Variants in HK2 observed in about 807,000 individuals in gnomAD.
The protein encoded by HK2 is hexokinase 2.
In HK2, 42 loss-of-function variants were observed where a neutral mutation model predicts 92.9. The observed-to-expected ratio is 0.45, with a 90% CI of 0.35 to 0.58. The LOEUF (loss-of-function observed/expected upper bound fraction) is 0.58, where lower values mean the gene tolerates loss of function less well. Ranked by LOEUF, HK2 falls within the 20% of genes least tolerant of loss-of-function variation. The pLI, the probability that HK2 is intolerant of heterozygous loss-of-function variation, is 0.00. For missense variants in HK2, 978 were observed against 1,245.1 expected, an observed-to-expected ratio of 0.79 and a Z score of 3.23; for synonymous variants, 422 against 468.0, an observed-to-expected ratio of 0.90 and a Z score of 1.27.
rs189675952 is a variant in HK2 at position 74,893,090 on chromosome 2, T to G, written c.*2149T>G. On this transcript the variant is annotated 3_prime_UTR_variant, in exon 18 of 18. Coordinates refer to ENST00000290573, the MANE Select transcript of HK2 (RefSeq NM_000189.5). ...GTGTGTGTAGGTATTAAAGATGTGT[T>G]GTTGGTTTCCAAAAAGGAACACTGG... 1 of 152,036 alleles carries G rather than the reference T, an allele frequency of 6.6e-6. No individual in the cohort carries two copies. The highest frequency in any genetic ancestry group is 1.9e-4 in the East Asian group (1 of 5,176). 9.4% of individuals were successfully genotyped at this position (152,036 alleles called of 1,614,324 possible).
rs778905029 is a variant in HK2 at position 74,882,248 on chromosome 2, A to G, written c.1839+9A>G. The stretch of plus-strand genomic sequence containing the variant: ...AGAACAGCCTGGACGAGGTAACAGC[A>G]CCTTCCTGGAGGGCTCTCCTGTGGG... On this transcript the variant is annotated intron_variant, in intron 12 of 17. Coordinates refer to ENST00000290573, the MANE Select transcript of HK2 (RefSeq NM_000189.5). 1 of 1,613,818 alleles carries G rather than the reference A, an allele frequency of 6.2e-7. No individual in the cohort carries two copies. Among genetic ancestry groups the G allele is most frequent in the Non-Finnish European group, 8.5e-7 (1 of 1,179,856 alleles).
chr2:74,865,765 G>A (rs1173407221), intron 2 of HK2, among the ~76,000 whole-genome samples: 1 of 152,054 alleles, frequency 6.6e-6, no homozygotes, highest in African/African-American at 2.4e-5. Flanking sequence ...ACTTTTCTTG[G>A]ACAGGTTTCT....
At chr2:74,877,728 A>G (rs964243190) in intron 8 of HK2, among the ~76,000 whole-genome samples, 4 of 152,358 alleles carry the variant, frequency 2.6e-5, no homozygotes, top group Middle Eastern at 3.4e-3. Flanking sequence ...GCTTCATAAT[A>G]GAAAGCTAGG....
chr2:74,881,188 C>T (rs1433618263), intron 10 of HK2, among the ~76,000 whole-genome samples: 1 of 152,226 alleles, frequency 6.6e-6, no homozygotes, highest in Non-Finnish European at 1.5e-5. Context: ...AAAACGTTTG[C>T]TGTCTGGGCC....
chr2:74,886,209 A>C, intron 13 of HK2, 85 bp from the exon 14 acceptor site: 1 of 936,660 alleles, frequency 1.1e-6, no homozygotes, highest in South Asian at 1.3e-5. Context: ...TATATTTTAT[A>C]TACCTGTAAA....
chr2:74,862,511 A>G (rs1688853608), intron 2 of HK2, among the ~76,000 whole-genome samples: 1 of 152,218 alleles, frequency 6.6e-6, no homozygotes, highest in African/African-American at 2.4e-5. Flanking sequence ...CGGGCCATAT[A>G]ATGCAAGCAC....
At chr2:74,890,312 T>C (rs1689644026) in intron 17 of HK2, among the ~76,000 whole-genome samples, 1 of 152,242 alleles carries the variant, frequency 6.6e-6, no homozygotes. Context: ...AGTGACTCTG[T>C]AAGTCTGCTT....
chr2:74,875,485 C>T (rs1021686290), intron 7 of HK2, among the ~76,000 whole-genome samples: 4 of 152,030 alleles, frequency 2.6e-5, no homozygotes, highest in East Asian at 3.9e-4. Flanking sequence ...CCTGCCACCA[C>T]GCCCAGCTAA....
In HK2 at chr2:74,891,032, C is replaced by T; in HGVS notation, c.*91C>T. The T allele has an allele frequency of 2.0e-6, 3 of 1,497,424 alleles. No homozygotes were observed. The highest frequency in any genetic ancestry group is 2.7e-6 in the Non-Finnish European group (3 of 1,106,114). 92.8% of individuals were successfully genotyped at this position (1,497,424 alleles called of 1,614,324 possible). ...CATCCCCTTGTGTCAGAGACAGACC[C>T]CTTGGCTTTTGCTTGGCAGAGAGGA... On this transcript the variant is annotated 3_prime_UTR_variant, in exon 18 of 18. Coordinates refer to ENST00000290573, the MANE Select transcript of HK2 (RefSeq NM_000189.5).
chr2:74,838,175 C>T (rs563448720), intron 1 of HK2, among the ~76,000 whole-genome samples: 5 of 152,300 alleles, frequency 3.3e-5, no homozygotes, highest in African/African-American at 4.8e-5. Flanking sequence ...AGTTTGGGTT[C>T]CTTCCTCAGG....
intron 3 of HK2, among the ~76,000 whole-genome samples, chr2:74,870,726 T>C (rs1689078353): frequency 1.3e-5 from 2 of 152,186 alleles, no homozygotes; most frequent in Admixed American, 1.3e-4. Context: ...ATTTTCATGT[T>C]AAAATACTTG....
intron 1 of HK2, among the ~76,000 whole-genome samples, chr2:74,842,555 A>G (rs1018799873): frequency 6.6e-6 from 1 of 152,182 alleles, no homozygotes; most frequent in Non-Finnish European, 1.5e-5. Flanking sequence ...TTTACCCTGG[A>G]TAACTCCCAA....
chr2:74,869,935 G>C (rs554224790), intron 3 of HK2, among the ~76,000 whole-genome samples: 2 of 151,906 alleles, frequency 1.3e-5, no homozygotes, highest in South Asian at 4.2e-4. Flanking sequence ...CTGTGGCATC[G>C]AGCCCTTGAA....
At chr2:74,878,309 A>G (rs1689283037) in intron 8 of HK2, among the ~76,000 whole-genome samples, 1 of 152,216 alleles carries the variant, frequency 6.6e-6, no homozygotes, top group African/African-American at 2.4e-5. Context: ...GATGTAACAC[A>G]AACTCTCACA....
chr2:74,858,835 CT>C (rs1002753241), intron 2 of HK2, among the ~76,000 whole-genome samples: 10 of 152,208 alleles, frequency 6.6e-5, no homozygotes, highest in African/African-American at 2.2e-4. Context: ...CCCATCACGG[CT>C]TATGGGCTCT....
chr2:74,858,333 T>C (rs1188695478), intron 2 of HK2, among the ~76,000 whole-genome samples: 1 of 152,206 alleles, frequency 6.6e-6, no homozygotes, highest in East Asian at 1.9e-4. Flanking sequence ...CCTTTCTTGC[T>C]GGCACGAAAT....
At chr2:74,863,075 G>C (rs1688867676) in intron 2 of HK2, among the ~76,000 whole-genome samples, 1 of 152,194 alleles carries the variant, frequency 6.6e-6, no homozygotes, top group East Asian at 1.9e-4. Flanking sequence ...CCTTTGAAGA[G>C]TGGTTTCACA....
At chr2:74,867,176 C>G (rs3771769) in intron 2 of HK2, among the ~76,000 whole-genome samples, 26,132 of 151,578 alleles carry the variant, frequency 0.17, 2,812 homozygotes, top group Admixed American at 0.31. Context: ...GTATATGCGA[C>G]AGAATACTAC....
intron 17 of HK2, 66 bp downstream of exon 17, chr2:74,889,544 C>G: frequency 9.3e-7 from 1 of 1,074,166 alleles, no homozygotes; most frequent in Non-Finnish European, 1.4e-6. Flanking sequence ...CCTTTTCTTT[C>G]TCTCTTTCCT....
Sources: allele counts gnomAD v4.1 joint callset (sites outside exome capture counted in the v4.1 genomes callset), GRCh38; gene constraint gnomAD v4.1.1; transcripts MANE v1.5; gene names NCBI Gene and HGNC (gene_info 2026-07-23, HGNC 2026-07-21).